Variants in STX2 observed in about 807,000 individuals in gnomAD.
STX2 encodes syntaxin-2.
Under a neutral mutation model 40.6 loss-of-function variants are expected in STX2, and 27 were observed. The observed-to-expected ratio is 0.66, with a 90% CI of 0.49 to 0.92. STX2 has a LOEUF of 0.92. Ranked by LOEUF, STX2 falls within the 40% of genes least tolerant of loss-of-function variation. STX2 has a pLI of 0.00. For missense variants in STX2, 328 were observed against 366.1 expected, an observed-to-expected ratio of 0.90 and a Z score of 0.85; for synonymous variants, 123 against 119.1, an observed-to-expected ratio of 1.03 and a Z score of -0.22.
At chr12:130,793,961 A>T (rs1215092077) in intron 10 of STX2, among the ~76,000 whole-genome samples, 2 of 152,194 alleles carry the variant, frequency 1.3e-5, no homozygotes, top group African/African-American at 4.8e-5. Context: ...ACTAGGGTGA[A>T]ATGGCCAGCC....
chr12:130,817,887 G>GT (rs1951919611), intron 3 of STX2, among the ~76,000 whole-genome samples: 1 of 95,628 alleles, frequency 1.0e-5, no homozygotes, highest in Non-Finnish European at 2.6e-5. Flanking sequence ...ACTGAAGGAG[G>GT]TAAGAAGGAA....
At chr12:130,798,209 T>C (rs1407296646) in intron 9 of STX2, among the ~76,000 whole-genome samples, 1 of 149,924 alleles carries the variant, frequency 6.7e-6, no homozygotes, top group Non-Finnish European at 1.5e-5. Flanking sequence ...ATCACTCCAT[T>C]GCACTCTACT....
intron 4 of STX2, among the ~76,000 whole-genome samples, chr12:130,811,824 G>A (rs905861045): frequency 1.3e-5 from 2 of 152,134 alleles, no homozygotes; most frequent in Non-Finnish European, 2.9e-5. Flanking sequence ...ATAGGCGTGA[G>A]CCACCGTGCC....
At chr12:130,837,475 G>A (rs920371241) in intron 1 of STX2, among the ~76,000 whole-genome samples, 32 of 152,262 alleles carry the variant, frequency 2.1e-4, no homozygotes, top group Non-Finnish European at 4.4e-4. Context: ...GTAGAAACGG[G>A]GTTTTGCCAT....
rs142574821 is a variant in STX2, at chr12:130,806,963, C to T, written c.463+19G>A. On this transcript the variant is annotated intron_variant, in intron 6 of 10. Transcript: ENST00000392373. Reference sequence around the variant, plus strand: ...GAGAAAAACATGATTTTAACAAAGACGGAGTCTCCATTACTCACTTATCTC... The same window carrying T: ...GAGAAAAACATGATTTTAACAAAGATGGAGTCTCCATTACTCACTTATCTC... 12,010 of 1,602,650 alleles carry T rather than the reference C, an allele frequency of 7.5e-3. 65 individuals carry two copies. The highest frequency in any genetic ancestry group is 9.5e-3 in the Non-Finnish European group (11,078 of 1,170,786).
intron 2 of STX2, among the ~76,000 whole-genome samples, chr12:130,822,849 A>C (rs1952166804): frequency 1.3e-5 from 2 of 152,296 alleles, no homozygotes; most frequent in African/African-American, 4.8e-5. Context: ...AACTCGCAAA[A>C]GCTTAGCGTT....
At chr12:130,800,616 G>T (rs1951189803) in intron 8 of STX2, among the ~76,000 whole-genome samples, 1 of 152,146 alleles carries the variant, frequency 6.6e-6, no homozygotes. Context: ...ATTTCTCCTA[G>T]TTATTACTGT....
Position 130,791,743 on chromosome 12 carries a change from C to T in STX2, c.*280G>A, listed in dbSNP as rs555023385. On this transcript the variant is annotated 3_prime_UTR_variant, in exon 11 of 11. Transcript: ENST00000392373. ...CTTACGGCGCTGTCACTGAACAAGA[C>T]GTTCGGTTGTGCTTCTTCCGTGAAC... 8.8e-5 allele frequency: 56 copies of T among 638,206 alleles called. No individual in the cohort carries two copies. The African/African-American group carries it at 8.9e-4, about 10-fold the overall frequency. The allele number at this position is 638,206 out of a possible 1,614,324, so 39.5% of individuals were successfully genotyped here.
intron 9 of STX2, among the ~76,000 whole-genome samples, chr12:130,797,322 G>A (rs1951060482): frequency 1.3e-5 from 2 of 152,244 alleles, no homozygotes; most frequent in Middle Eastern, 3.2e-3. Flanking sequence ...ACTAAGTTAA[G>A]CACTTTATAC....
At chr12:130,812,035 A>G (rs776666564) in intron 4 of STX2, 52 of 212,716 alleles carry the variant, frequency 2.4e-4, no homozygotes, top group Non-Finnish European at 3.7e-4. Context: ...AATCTGCAGC[A>G]TGGCAGATTC....
chr12:130,817,967 G>C lies in STX2; in HGVS notation c.205+3722C>G, dbSNP rs754269154. On this transcript the variant is annotated intron_variant, in intron 3 of 10. Transcript: ENST00000392373. ...CCCAGCCTGTGGTGGGGGCAGCTGG[G>C]CTGAAGCAGGGCAGGGGTCCCGGAG... Among the ~76,000 whole-genome samples, 45 of 151,758 alleles carry C rather than the reference G, an allele frequency of 3.0e-4. No individual in the cohort carries two copies. In the Middle Eastern group the frequency reaches 0.014, roughly 46 times the overall value.
At chr12:130,832,169 T>G (rs1470509232) in intron 1 of STX2, among the ~76,000 whole-genome samples, 1 of 152,064 alleles carries the variant, frequency 6.6e-6, no homozygotes, top group Non-Finnish European at 1.5e-5. Context: ...TTAATCATTT[T>G]TTTTTTTCCT....
chr12:130,790,771 C>T lies in STX2; in HGVS notation c.*1252G>A, dbSNP rs1270476668. On this transcript the variant is annotated 3_prime_UTR_variant, in exon 11 of 11. Coordinates refer to ENST00000392373, the MANE Select transcript of STX2 (RefSeq NM_194356.4). ...CTTCATTCATGTAAACTGGGAAACT[C>T]GAATCTCCTATTTAGTGAAAAGAGA... The T allele has an allele frequency of 6.6e-6, 1 of 152,466 alleles. No individual in the cohort carries two copies. The highest frequency in any genetic ancestry group is 1.9e-4 in the East Asian group (1 of 5,192). 9.4% of individuals were successfully genotyped at this position (152,466 alleles called of 1,614,324 possible).
chr12:130,798,447 C>T (rs1414590667), intron 9 of STX2, 78 bp downstream of exon 9: 2 of 860,582 alleles, frequency 2.3e-6, no homozygotes, highest in Non-Finnish European at 3.5e-6. Context: ...ACCTTTTAGG[C>T]AGGCTTACAT....
intron 7 of STX2, 46 bp downstream of exon 7, chr12:130,801,369 G>C (rs893115956): frequency 5.0e-6 from 8 of 1,595,712 alleles, no homozygotes; most frequent in Non-Finnish European, 6.8e-6. Context: ...AAAAAGCTCT[G>C]TCTACAGAAG....
chr12:130,807,992 C>T (rs549003081), intron 5 of STX2, among the ~76,000 whole-genome samples: 20 of 152,024 alleles, frequency 1.3e-4, no homozygotes, highest in African/African-American at 4.8e-4. Flanking sequence ...GAATCCATAT[C>T]CCCCCCACCA....
At chr12:130,805,231 C>G (rs999104023) in intron 6 of STX2, among the ~76,000 whole-genome samples, 1 of 152,170 alleles carries the variant, frequency 6.6e-6, no homozygotes, top group East Asian at 1.9e-4. Flanking sequence ...CAACAGGGAC[C>G]GTATTTTCCC....
At chr12:130,821,643 G>A in intron 3 of STX2, 46 bp downstream of exon 3, 1 of 1,470,292 alleles carries the variant, frequency 6.8e-7, no homozygotes, top group Non-Finnish European at 9.5e-7. Flanking sequence ...CAGCCAGAGG[G>A]ACACACAGAC....
chr12:130,791,771 ATACAT>A lies in STX2; in HGVS notation c.*247_*251del. ...TCGGTTGTGCTTCTTCCGTGAACTCATACATTACAAGGTCAGCACTCGATGCCGGG... is the reference window on the plus strand; with the variant it reads ...TCGGTTGTGCTTCTTCCGTGAACTCATACAAGGTCAGCACTCGATGCCGGG... On this transcript the variant is annotated 3_prime_UTR_variant, in exon 11 of 11. Coordinates refer to ENST00000392373, the MANE Select transcript of STX2 (RefSeq NM_194356.4). 6.2e-6 allele frequency: 5 copies of A among 804,608 alleles called. No homozygotes were observed. Among genetic ancestry groups the A allele is most frequent in the Non-Finnish European group, 1.0e-5 (5 of 482,512 alleles). 49.8% of individuals were successfully genotyped at this position (804,608 alleles called of 1,614,324 possible). A position where few individuals can be genotyped will look rare whatever the true frequency, so the allele number is the denominator to read the frequency against.
Sources: allele counts gnomAD v4.1 joint callset (sites outside exome capture counted in the v4.1 genomes callset), GRCh38; gene constraint gnomAD v4.1.1; transcripts MANE v1.5; gene names NCBI Gene and HGNC (gene_info 2026-07-23, HGNC 2026-07-21).